The following RNF13 variants were observed in gnomAD, a reference collection of about 807,000 sequenced individuals.
RNF13 encodes the protein E3 ubiquitin-protein ligase RNF13.
RNF13 carries 19 observed loss-of-function variants against 37.7 expected under a neutral mutation model. The ratio of observed to expected loss-of-function variants is 0.50; its 90% CI spans 0.35 to 0.74. The LOEUF (loss-of-function observed/expected upper bound fraction) is 0.74, where lower values mean the gene tolerates loss of function less well. Among genes scored for constraint, RNF13 ranks in the 30% least tolerant of loss-of-function variants. The pLI is 0.01. For synonymous variants in RNF13, 144 were observed against 157.8 expected, an observed-to-expected ratio of 0.91 and a Z score of 0.65; for missense variants, 375 against 453.0, an observed-to-expected ratio of 0.83 and a Z score of 1.56.
At chr3:149,903,276 A>G (rs1282867621) in intron 6 of RNF13, among the ~76,000 whole-genome samples, 1 of 152,008 alleles carries the variant, frequency 6.6e-6, no homozygotes, top group Non-Finnish European at 1.5e-5. Context: ...GAGAATTAGT[A>G]CTTGCTTTTA....
chr3:149,895,552 C>A lies in RNF13; in HGVS notation c.401C>A (p.Ser134Tyr). ...TCTGATGACCTCATTAGCATGGGAT[C>A]CAACGACAGTAAGTACAGGTATCAC... Reference protein sequence around the residue: ...VDSDDLISMGSNDIEVLKKID... With the variant: ...VDSDDLISMGYNDIEVLKKID... The change falls in exon 5 of 10, where the codon TCC becomes TAC. Residue 134 changes from serine (S) to tyrosine (Y), a missense_variant. By Grantham distance (144) the Ser-to-Tyr change is moderately radical. Transcript: ENST00000392894. 1 of 1,590,806 alleles carries A rather than the reference C, an allele frequency of 6.3e-7. No homozygotes were observed. The highest frequency in any genetic ancestry group is 8.6e-7 in the Non-Finnish European group (1 of 1,161,160).
chr3:149,836,287 G>A (rs1325092696), intron 1 of RNF13, among the ~76,000 whole-genome samples: 1 of 151,998 alleles, frequency 6.6e-6, no homozygotes, highest in African/African-American at 2.4e-5. Context: ...AATGAACATA[G>A]GAGCTGAATA....
intron 1 of RNF13, among the ~76,000 whole-genome samples, chr3:149,843,411 T>G (rs994030504): frequency 6.6e-6 from 1 of 152,182 alleles, no homozygotes; most frequent in African/African-American, 2.4e-5. Flanking sequence ...ATTTGAGGAT[T>G]ATTTATAATT....
At chr3:149,887,124 G>C (rs571349762) in intron 4 of RNF13, among the ~76,000 whole-genome samples, 5 of 152,234 alleles carry the variant, frequency 3.3e-5, no homozygotes, top group African/African-American at 9.6e-5. Flanking sequence ...TTCCCCGCCC[G>C]CTTCCCGGCA....
chr3:149,911,954 T>G, intron 6 of RNF13, 24 bp from the exon 7 acceptor site: 1 of 1,142,654 alleles, frequency 8.8e-7, no homozygotes, highest in Non-Finnish European at 1.3e-6. Flanking sequence ...CATTTCTCAA[T>G]TATTGATTTT....
chr3:149,917,123 G>C (rs1408426960), intron 7 of RNF13, among the ~76,000 whole-genome samples: 2 of 152,126 alleles, frequency 1.3e-5, no homozygotes, highest in African/African-American at 4.8e-5. Context: ...CCACCTTAGA[G>C]GAGATAAAGT....
intron 4 of RNF13, among the ~76,000 whole-genome samples, chr3:149,889,694 G>A (rs1429815345): frequency 1.4e-4 from 20 of 141,436 alleles, no homozygotes; most frequent in African/African-American, 3.5e-4. Flanking sequence ...TCGCTCTGTC[G>A]CCCAGGCTGG....
chr3:149,879,261 A>G (rs1396326181), intron 4 of RNF13, among the ~76,000 whole-genome samples: 2 of 151,738 alleles, frequency 1.3e-5, no homozygotes, highest in Non-Finnish European at 2.9e-5. Flanking sequence ...TTACTTTCTA[A>G]TGTATCACTT....
At chr3:149,853,844 T>TG (rs1723384546) in intron 3 of RNF13, among the ~76,000 whole-genome samples, 1 of 150,008 alleles carries the variant, frequency 6.7e-6, no homozygotes, top group Non-Finnish European at 1.5e-5. Context: ...CTTTTTTTTT[T>TG]TTTTTTTTTT....
At chr3:149,873,824 G>A (rs976605298) in intron 4 of RNF13, among the ~76,000 whole-genome samples, 3 of 151,958 alleles carry the variant, frequency 2.0e-5, no homozygotes, top group African/African-American at 7.3e-5. Flanking sequence ...TTATCACATT[G>A]TTGTTACTTT....
At chr3:149,935,474 C>CTTT (rs1719584194) in intron 8 of RNF13, among the ~76,000 whole-genome samples, 1 of 151,934 alleles carries the variant, frequency 6.6e-6, no homozygotes, top group East Asian at 1.9e-4. Flanking sequence ...TTCTCTTTCA[C>CTTT]CTTTCTTTAT....
intron 1 of RNF13, chr3:149,817,245 T>G (rs954801388): frequency 5.3e-5 from 8 of 152,146 alleles, no homozygotes; most frequent in African/African-American, 1.7e-4. Context: ...TACTCACAAG[T>G]ACAGATTTCT....
chr3:149,910,452 G>A (rs1716880754), intron 6 of RNF13, among the ~76,000 whole-genome samples: 1 of 151,988 alleles, frequency 6.6e-6, no homozygotes, highest in Admixed American at 6.6e-5. Flanking sequence ...GTAAATTCCT[G>A]GTATTTTTTG....
chr3:149,936,190 G>C (rs913488253), intron 8 of RNF13, among the ~76,000 whole-genome samples: 2 of 151,662 alleles, frequency 1.3e-5, no homozygotes, highest in Non-Finnish European at 2.9e-5. Context: ...TTGAGAATTT[G>C]ATTATTGTAT....
chr3:149,854,330 A>G (rs922801382), intron 3 of RNF13, among the ~76,000 whole-genome samples: 3 of 152,096 alleles, frequency 2.0e-5, no homozygotes, highest in Non-Finnish European at 4.4e-5. Flanking sequence ...TTTCTTACCT[A>G]TATGTAGCAG....
At chr3:149,906,040 G>A (rs961826320) in intron 6 of RNF13, among the ~76,000 whole-genome samples, 1 of 151,910 alleles carries the variant, frequency 6.6e-6, no homozygotes. Flanking sequence ...TCTACTTTCT[G>A]TCTTTATGGA....
chr3:149,930,183 C>G (rs937884564), intron 8 of RNF13, among the ~76,000 whole-genome samples: 4 of 152,214 alleles, frequency 2.6e-5, no homozygotes, highest in African/African-American at 9.7e-5. Context: ...CCTGCCTCGG[C>G]CTCCCAAAGT....
chr3:149,814,499 T>A (rs533144680), intron 1 of RNF13, among the ~76,000 whole-genome samples: 1 of 152,316 alleles, frequency 6.6e-6, no homozygotes, highest in South Asian at 2.1e-4. Flanking sequence ...AGTGCAGTGC[T>A]GTAGTGCAGG....
At chr3:149,846,772 G>A (rs1176546230) in intron 2 of RNF13, among the ~76,000 whole-genome samples, 1 of 152,114 alleles carries the variant, frequency 6.6e-6, no homozygotes, top group African/African-American at 2.4e-5. Context: ...TTGGTACCTA[G>A]TACATCTCTT....
Sources: gnomAD v4.1 joint callset for allele counts (sites outside exome capture counted in the v4.1 genomes callset) on GRCh38, gnomAD v4.1.1 for gene constraint, MANE v1.5 for transcripts, NCBI Gene and HGNC (gene_info 2026-07-23, HGNC 2026-07-21) for gene names.